Variants in SUPT3H observed in about 807,000 individuals in gnomAD.
SUPT3H encodes the protein SPT3 homolog, SAGA and STAGA complex component, also known as transcription initiation protein SPT3 homolog.
In SUPT3H, 44 loss-of-function variants were observed where a neutral mutation model predicts 44.3. The observed-to-expected ratio is 0.99, with a 90% CI of 0.78 to 1.28. The LOEUF (loss-of-function observed/expected upper bound fraction) is 1.28. Ranked by LOEUF, SUPT3H falls within the 50% of genes most tolerant of loss-of-function variation. SUPT3H has a pLI of 0.00. For synonymous variants in SUPT3H, 124 were observed against 125.6 expected (o/e 0.99, Z 0.09); for missense variants, 380 against 387.1 (o/e 0.98, Z 0.15).
intron 2 of SUPT3H, among the ~76,000 whole-genome samples, chr6:45,262,847 T>C (rs577676109): frequency 1.3e-5 from 2 of 152,070 alleles, no homozygotes; most frequent in Non-Finnish European, 2.9e-5. Flanking sequence ...AGGAGCTTCT[T>C]AAAAGACAAC....
At chr6:45,004,805 T>C (rs1420710188) in intron 5 of SUPT3H, among the ~76,000 whole-genome samples, 6 of 152,208 alleles carry the variant, frequency 3.9e-5, no homozygotes, top group Non-Finnish European at 8.8e-5. Context: ...TTTCTGGTCT[T>C]GCACTTCATG....
intron 10 of SUPT3H, among the ~76,000 whole-genome samples, chr6:44,886,811 A>T (rs1762369538): frequency 6.6e-6 from 1 of 152,196 alleles, no homozygotes; most frequent in South Asian, 2.1e-4. Flanking sequence ...CAATTAAAAG[A>T]CACAGACTGG....
chr6:44,881,321 G>A (rs576804944), intron 10 of SUPT3H, among the ~76,000 whole-genome samples: 4 of 152,148 alleles, frequency 2.6e-5, no homozygotes, highest in African/African-American at 9.6e-5. Context: ...AGGGATCAAT[G>A]CAACAAGAAG....
chr6:45,289,630 C>G (rs1779976984), intron 2 of SUPT3H, among the ~76,000 whole-genome samples: 1 of 152,140 alleles, frequency 6.6e-6, no homozygotes. Context: ...TATATTAACA[C>G]ATAGGCTTTT....
At chr6:44,846,491 G>C (rs912740775) in intron 10 of SUPT3H, among the ~76,000 whole-genome samples, 5 of 152,124 alleles carry the variant, frequency 3.3e-5, no homozygotes, top group Non-Finnish European at 2.9e-5. Flanking sequence ...GAAGAAACAA[G>C]GGAGGTTTTA....
intron 3 of SUPT3H, among the ~76,000 whole-genome samples, chr6:45,054,458 G>A (rs1049684651): frequency 1.3e-5 from 2 of 152,174 alleles, no homozygotes; most frequent in East Asian, 3.8e-4. Context: ...TTCATTTAAT[G>A]TAGCATAAAA....
intron 2 of SUPT3H, among the ~76,000 whole-genome samples, chr6:45,121,278 C>T (rs1034612584): frequency 1.3e-5 from 2 of 152,182 alleles, no homozygotes; most frequent in African/African-American, 2.4e-5. Context: ...CCTTGGAGAA[C>T]GTCCCATTTT....
intron 2 of SUPT3H, among the ~76,000 whole-genome samples, chr6:45,238,726 C>T (rs1769695664): frequency 2.0e-5 from 3 of 152,112 alleles, no homozygotes; most frequent in South Asian, 4.1e-4. Context: ...GATGAAATTG[C>T]TACTATGATA....
chr6:45,023,090 A>G lies in SUPT3H; in HGVS notation c.187-2458T>C, dbSNP rs182814159. Among the ~76,000 whole-genome samples, 125 of 152,244 alleles carry G rather than the reference A, an allele frequency of 8.2e-4. 2 individuals carry two copies. The highest frequency in any genetic ancestry group is 2.9e-3 in the African/African-American group (119 of 41,554). On this transcript the variant is annotated intron_variant, in intron 3 of 10. Coordinates refer to ENST00000371459, the MANE Select transcript of SUPT3H (RefSeq NM_003599.4). Reference sequence around the variant, plus strand: ...ATACAAACTTCAAAAACAGGTGAGCATTAAAAAGTGGGCAAAGGAGAAGAA... The same window carrying G: ...ATACAAACTTCAAAAACAGGTGAGCGTTAAAAAGTGGGCAAAGGAGAAGAA...
intron 2 of SUPT3H, among the ~76,000 whole-genome samples, chr6:45,163,857 A>C (rs573301546): frequency 1.6e-4 from 25 of 151,990 alleles, no homozygotes; most frequent in African/African-American, 5.8e-4. Flanking sequence ...ACCTTTAACC[A>C]GAAGAACTCT....
chr6:44,915,397 C>T (rs773964392), intron 10 of SUPT3H, among the ~76,000 whole-genome samples: 4 of 152,110 alleles, frequency 2.6e-5, no homozygotes, highest in Non-Finnish European at 5.9e-5. Flanking sequence ...CTGAAATAGA[C>T]TAAGAGAATA....
At chr6:45,369,284 T>G (rs567638719) in intron 1 of SUPT3H, among the ~76,000 whole-genome samples, 2 of 152,228 alleles carry the variant, frequency 1.3e-5, no homozygotes, top group African/African-American at 4.8e-5. Flanking sequence ...TGCAATACCT[T>G]TTGAAACAAT....
intron 3 of SUPT3H, among the ~76,000 whole-genome samples, chr6:45,045,476 T>C (rs1029170233): frequency 2.0e-5 from 3 of 152,230 alleles, no homozygotes; most frequent in African/African-American, 7.2e-5. Context: ...ATAGGAATGC[T>C]TGTGATTTTT....
At chr6:44,977,535 T>G (rs1023180730) in intron 6 of SUPT3H, among the ~76,000 whole-genome samples, 3 of 152,148 alleles carry the variant, frequency 2.0e-5, no homozygotes, top group African/African-American at 7.2e-5. Context: ...CTGTATACTC[T>G]TCACCCCACC....
intron 2 of SUPT3H, among the ~76,000 whole-genome samples, chr6:45,296,738 CAAA>C (rs60921436): frequency 4.4e-4 from 13 of 29,710 alleles, no homozygotes; most frequent in Admixed American, 7.2e-4. Context: ...GACTCTGTCT[CAAA>C]AAAAAAAAAA....
rs577541403 is a variant in SUPT3H at position 44,851,985 on chromosome 6, T to C, written c.913-22128A>G. On this transcript the variant is annotated intron_variant, in intron 10 of 10. Transcript: ENST00000371459. ...CCTTATTTAAATAAGAGGGGCCCCA[T>C]TGGCGTTTCCTACAAATTTGGGTGC... 9.9e-5 allele frequency among the ~76,000 whole-genome samples: 15 copies of C among 152,266 alleles called. No homozygotes were observed. In the South Asian group the frequency reaches 1.7e-3, roughly 17 times the overall value.
At chr6:45,090,898 G>A (rs184787391) in intron 3 of SUPT3H, among the ~76,000 whole-genome samples, 278 of 151,878 alleles carry the variant, frequency 1.8e-3, no homozygotes, top group African/African-American at 6.5e-3. Context: ...ATCGAGTCTA[G>A]TGATCTTCTT....
chr6:45,328,851 G>C, intron 2 of SUPT3H: 1 of 1,493,680 alleles, frequency 6.7e-7, no homozygotes, highest in Non-Finnish European at 9.3e-7. Context: ...ATGATTCTTT[G>C]ATAAACTGCT....
At chr6:45,130,819 G>C (rs1377318788) in intron 2 of SUPT3H, among the ~76,000 whole-genome samples, 4 of 144,002 alleles carry the variant, frequency 2.8e-5, no homozygotes, top group African/African-American at 1.0e-4. Context: ...CCAGGTTCAA[G>C]CAATTCTCCT....
Sources: gnomAD v4.1 joint callset for allele counts (sites outside exome capture counted in the v4.1 genomes callset) on GRCh38, gnomAD v4.1.1 for gene constraint, MANE v1.5 for transcripts, NCBI Gene and HGNC (gene_info 2026-07-23, HGNC 2026-07-21) for gene names.